AGPS: variants seen among roughly 807,000 people sequenced by gnomAD.
AGPS encodes the protein alkyldihydroxyacetonephosphate synthase, peroxisomal.
Under a neutral mutation model 90.7 loss-of-function variants are expected in AGPS, and 26 were observed. That is an observed-to-expected ratio of 0.29 (90% CI 0.21 to 0.40). The LOEUF (loss-of-function observed/expected upper bound fraction) is 0.40. Ranked by LOEUF, AGPS falls within the 10% of genes least tolerant of loss-of-function variation. AGPS has a pLI of 1.00. For missense variants in AGPS, 540 were observed against 816.1 expected (o/e 0.66, Z 4.12); for synonymous variants, 294 against 285.3 (o/e 1.03, Z -0.31).
At chr2:177,532,778 G>A (rs2079149768) in intron 19 of AGPS, among the ~76,000 whole-genome samples, 1 of 152,114 alleles carries the variant, frequency 6.6e-6, no homozygotes, top group Non-Finnish European at 1.5e-5. Context: ...CCATACCATA[G>A]GAATACTACT....
intron 8 of AGPS, among the ~76,000 whole-genome samples, chr2:177,458,674 A>G (rs1687194017): frequency 6.6e-6 from 1 of 152,236 alleles, no homozygotes; most frequent in Non-Finnish European, 1.5e-5. Flanking sequence ...GAAATAAGAG[A>G]GAACACAAAC....
intron 16 of AGPS, among the ~76,000 whole-genome samples, chr2:177,509,084 A>C (rs1688790767): frequency 6.6e-6 from 1 of 152,152 alleles, no homozygotes; most frequent in South Asian, 2.1e-4. Flanking sequence ...ATATCTTAAT[A>C]TTTTGGTTTC....
chr2:177,519,579 T>TTG (rs1368894754), intron 17 of AGPS, among the ~76,000 whole-genome samples: 1 of 152,244 alleles, frequency 6.6e-6, no homozygotes, highest in African/African-American at 2.4e-5. Context: ...ATTTATTTTG[T>TTG]TGTCATTTAT....
At chr2:177,434,870 G>A (rs1186271251) in intron 3 of AGPS, among the ~76,000 whole-genome samples, 13 of 151,276 alleles carry the variant, frequency 8.6e-5, no homozygotes, top group Admixed American at 8.6e-4. Context: ...TTAGTATTAG[G>A]ATATTTAGAA....
chr2:177,526,039 T>A (rs2079083608), intron 19 of AGPS, among the ~76,000 whole-genome samples: 1 of 152,116 alleles, frequency 6.6e-6, no homozygotes, highest in Admixed American at 6.6e-5. Flanking sequence ...AATAATAGAA[T>A]TAACCAACTC....
intron 19 of AGPS, among the ~76,000 whole-genome samples, chr2:177,534,538 G>C (rs1233898894): frequency 6.9e-6 from 1 of 144,178 alleles, no homozygotes; most frequent in African/African-American, 2.5e-5. Context: ...TTTAAGCACA[G>C]CCCCCCACCC....
At chr2:177,521,132 C>G in intron 17 of AGPS, 137 bp from the exon 18 acceptor site, 1 of 791,112 alleles carries the variant, frequency 1.3e-6, no homozygotes. Context: ...GTATTCCTTC[C>G]ATGGAGTAGA....
At chr2:177,430,531 G>A (rs1686211482) in intron 2 of AGPS, among the ~76,000 whole-genome samples, 1 of 152,108 alleles carries the variant, frequency 6.6e-6, no homozygotes, top group Non-Finnish European at 1.5e-5. Flanking sequence ...TACAAATATG[G>A]AGTGGGAGAA....
At chr2:177,424,452 AT>A (rs58067920) in intron 2 of AGPS, among the ~76,000 whole-genome samples, 103,901 of 151,168 alleles carry the variant, frequency 0.69, 36,347 homozygotes, top group Admixed American at 0.76. Context: ...TAATAGAATG[AT>A]TTTTTTTTTT....
chr2:177,455,513 T>A (rs1300792838), intron 8 of AGPS, among the ~76,000 whole-genome samples: 1 of 152,116 alleles, frequency 6.6e-6, no homozygotes, highest in Non-Finnish European at 1.5e-5. Context: ...AGGTTGGTCT[T>A]GAGCTCCTGG....
Position 177,543,369 on chromosome 2 carries a change from G to A in AGPS, c.*5174G>A, listed in dbSNP as rs913638202. The A allele has an allele frequency of 2.0e-5, 3 of 152,122 alleles. No individual in the cohort carries two copies. The highest frequency in any genetic ancestry group is 7.2e-5 in the African/African-American group (3 of 41,432). 9.4% of individuals were successfully genotyped at this position (152,122 alleles called of 1,614,324 possible). A position where few individuals can be genotyped will look rare whatever the true frequency, so the allele number is the denominator to read the frequency against. On this transcript the variant is annotated 3_prime_UTR_variant, in exon 20 of 20. Coordinates refer to ENST00000264167, the MANE Select transcript of AGPS (RefSeq NM_003659.4). ...TTAAATCTTATGAGAAATATATGTAGGTTATATTAATTCTTGTCCATTTTT... is the reference window on the plus strand; with the variant it reads ...TTAAATCTTATGAGAAATATATGTAAGTTATATTAATTCTTGTCCATTTTT...
At chr2:177,499,757 GAGAA>G in intron 14 of AGPS, 27 bp downstream of exon 14, 1 of 1,418,766 alleles carries the variant, frequency 7.0e-7, no homozygotes, top group Non-Finnish European at 1.0e-6. Flanking sequence ...ATAATGCCAA[GAGAA>G]AGAGTTAAAA....
chr2:177,507,035 C>T (rs766322889), intron 15 of AGPS, among the ~76,000 whole-genome samples: 5 of 150,924 alleles, frequency 3.3e-5, no homozygotes, highest in African/African-American at 1.2e-4. Context: ...AGGGATTCCG[C>T]CCCCCCTACC....
chr2:177,402,331 C>A (rs1027861324), intron 1 of AGPS, among the ~76,000 whole-genome samples: 2 of 152,188 alleles, frequency 1.3e-5, no homozygotes, highest in African/African-American at 2.4e-5. Context: ...TCAGGAAAGC[C>A]ACAAGGAGAC....
intron 8 of AGPS, among the ~76,000 whole-genome samples, chr2:177,448,723 A>T (rs1315584696): frequency 1.3e-5 from 2 of 152,218 alleles, no homozygotes; most frequent in East Asian, 3.8e-4. Context: ...GTACAATTTG[A>T]TAAGTTTCGA....
At chr2:177,513,279 G>A (rs1200683159) in intron 16 of AGPS, among the ~76,000 whole-genome samples, 1 of 151,930 alleles carries the variant, frequency 6.6e-6, no homozygotes, top group African/African-American at 2.4e-5. Context: ...ATATTTTGTA[G>A]AGATAGGGTC....
intron 9 of AGPS, among the ~76,000 whole-genome samples, chr2:177,462,434 TTCC>T (rs1160900997): frequency 6.0e-5 from 9 of 149,970 alleles, no homozygotes; most frequent in Non-Finnish European, 8.9e-5. Flanking sequence ...GGATGGTAGA[TTCC>T]CCCCTCCCAT....
At chr2:177,500,701 C>T (rs1305910662) in intron 14 of AGPS, among the ~76,000 whole-genome samples, 2 of 151,952 alleles carry the variant, frequency 1.3e-5, no homozygotes, top group Non-Finnish European at 2.9e-5. Context: ...TTGAAAATGT[C>T]TCACTTTTAC....
chr2:177,489,955 C>T (rs1172456687), intron 11 of AGPS, among the ~76,000 whole-genome samples: 1 of 152,164 alleles, frequency 6.6e-6, no homozygotes, highest in Non-Finnish European at 1.5e-5. Flanking sequence ...GTGGAATACT[C>T]TCAGCCCTGC....
Sources: allele counts gnomAD v4.1 joint callset (sites outside exome capture counted in the v4.1 genomes callset), GRCh38; gene constraint gnomAD v4.1.1; transcripts MANE v1.5; gene names NCBI Gene and HGNC (gene_info 2026-07-23, HGNC 2026-07-21).